NR1H4: variants seen among roughly 807,000 people sequenced by gnomAD.
NR1H4 encodes nuclear receptor subfamily 1 group H member 4, also known as bile acid receptor.
NR1H4 carries 23 observed loss-of-function variants against 58.5 expected under a neutral mutation model. The observed-to-expected ratio is 0.39, with a 90% confidence interval of 0.28 to 0.56. The LOEUF is 0.56. Among genes scored for constraint, NR1H4 ranks in the 20% least tolerant of loss-of-function variants. The probability of loss-of-function intolerance (pLI) is 0.58; values close to 1 mark genes in which losing one functional copy is unlikely to be tolerated. For missense variants in NR1H4, 487 were observed against 576.9 expected (o/e 0.84, Z 1.60); for synonymous variants, 214 against 198.0 (o/e 1.08, Z -0.68).
intron 9 of NR1H4, among the ~76,000 whole-genome samples, chr12:100,561,527 G>C (rs1466347618): frequency 6.6e-6 from 1 of 152,120 alleles, no homozygotes. Flanking sequence ...CTTAATTATC[G>C]ATAGTCATAT....
chr12:100,498,876 G>A (rs1244926626), intron 3 of NR1H4, among the ~76,000 whole-genome samples: 1 of 152,118 alleles, frequency 6.6e-6, no homozygotes, highest in East Asian at 1.9e-4. Context: ...ATTTCTCATT[G>A]CCTTATGCTT....
chr12:100,498,612 C>CAA (rs549604892), intron 3 of NR1H4, among the ~76,000 whole-genome samples: 1 of 136,814 alleles, frequency 7.3e-6, no homozygotes. Flanking sequence ...CCTCAGTCTC[C>CAA]AAAAAAAAAA....
rs554139379 is a variant in NR1H4 at position 100,476,498 on chromosome 12, T to G, written c.-190+2439T>G. Among the ~76,000 whole-genome samples, 255 of 152,284 alleles carry G rather than the reference T, an allele frequency of 1.7e-3. 1 individual carries two copies. The highest frequency in any genetic ancestry group is 5.8e-3 in the African/African-American group (243 of 41,564). On this transcript the variant is annotated intron_variant, in intron 1 of 10. Coordinates refer to ENST00000392986, the MANE Select transcript of NR1H4 (RefSeq NM_001206979.2). ...CTCCATGCTGCTGTGATTAGGGACA[T>G]CTTAGAGAGGAGCTCAGAACTGCTG... is the stretch of plus-strand genomic sequence containing the variant.
intron 4 of NR1H4, among the ~76,000 whole-genome samples, chr12:100,514,321 T>C (rs1182291849): frequency 6.6e-6 from 1 of 152,224 alleles, no homozygotes; most frequent in Non-Finnish European, 1.5e-5. Context: ...AATATTCTAA[T>C]CTGCCTGTTT....
rs113858314 is a variant in NR1H4, at chr12:100,541,808, G to A, written c.1078+990G>A. On this transcript the variant is annotated intron_variant, in intron 9 of 10. Coordinates refer to ENST00000392986, the MANE Select transcript of NR1H4 (RefSeq NM_001206979.2). ...GACAGGGTTTCACCATGTTGGCCAGGCTGGTCTTGGACTCCTGGCCTCGAG... is the reference window on the plus strand; with the variant it reads ...GACAGGGTTTCACCATGTTGGCCAGACTGGTCTTGGACTCCTGGCCTCGAG... Among the ~76,000 whole-genome samples the A allele has an allele frequency of 0.013, 1,927 of 151,682 alleles. 102 individuals carry two copies. In the East Asian group the frequency reaches 0.14, roughly 11 times the overall value.
At chr12:100,558,840 T>C (rs1295136035) in intron 9 of NR1H4, among the ~76,000 whole-genome samples, 1 of 152,246 alleles carries the variant, frequency 6.6e-6, no homozygotes, top group Non-Finnish European at 1.5e-5. Flanking sequence ...CCGTAGCCAC[T>C]GTCAGGACTT....
At chr12:100,542,315 C>G (rs1954956817) in intron 9 of NR1H4, among the ~76,000 whole-genome samples, 1 of 152,092 alleles carries the variant, frequency 6.6e-6, no homozygotes. Flanking sequence ...CCACCACACT[C>G]CAGCCTGGGC....
chr12:100,538,304 C>A (rs1954859199), intron 8 of NR1H4, among the ~76,000 whole-genome samples: 1 of 152,010 alleles, frequency 6.6e-6, no homozygotes, highest in East Asian at 1.9e-4. Context: ...GGTCTGGGGG[C>A]AGGGAAGATC....
chr12:100,512,660 T>C (rs1372277421), intron 4 of NR1H4, among the ~76,000 whole-genome samples: 4 of 149,742 alleles, frequency 2.7e-5, no homozygotes, highest in Admixed American at 1.3e-4. Flanking sequence ...AAAAAGACAA[T>C]GTAAAATCCC....
intron 4 of NR1H4, among the ~76,000 whole-genome samples, chr12:100,527,320 G>T (rs1276442263): frequency 6.6e-6 from 1 of 152,230 alleles, no homozygotes; most frequent in Admixed American, 6.5e-5. Context: ...TTGAGCCCAG[G>T]AGTGAGAGAC....
At chr12:100,486,545 C>A (rs533246994) in intron 1 of NR1H4, among the ~76,000 whole-genome samples, 1 of 152,226 alleles carries the variant, frequency 6.6e-6, no homozygotes, top group South Asian at 2.1e-4. Context: ...CAGAAATGAG[C>A]AGATTTTCTC....
intron 8 of NR1H4, among the ~76,000 whole-genome samples, chr12:100,537,286 A>C (rs1169321160): frequency 6.6e-6 from 1 of 152,244 alleles, no homozygotes; most frequent in African/African-American, 2.4e-5. Flanking sequence ...AAATCATTTA[A>C]TATCTGATTT....
intron 9 of NR1H4, among the ~76,000 whole-genome samples, chr12:100,544,080 G>A (rs1053830037): frequency 9.9e-5 from 15 of 151,842 alleles, no homozygotes; most frequent in African/African-American, 2.2e-4. Flanking sequence ...GTGAAACCCC[G>A]TCTCTACTAA....
intron 9 of NR1H4, among the ~76,000 whole-genome samples, chr12:100,551,855 C>A (rs892059308): frequency 6.6e-6 from 1 of 152,208 alleles, no homozygotes; most frequent in Non-Finnish European, 1.5e-5. Flanking sequence ...AACCTATGTA[C>A]ATCCTGTTGT....
intron 3 of NR1H4, chr12:100,505,529 G>T (rs1953939273): frequency 1.4e-6 from 1 of 693,366 alleles, no homozygotes; most frequent in Non-Finnish European, 2.6e-6. Flanking sequence ...AGAAGGTGTT[G>T]AAACCTGGAG....
intron 4 of NR1H4, among the ~76,000 whole-genome samples, chr12:100,518,128 T>G (rs1006349411): frequency 1.3e-5 from 2 of 152,198 alleles, no homozygotes; most frequent in Non-Finnish European, 2.9e-5. Flanking sequence ...GAATTTTTCT[T>G]TCTGTCTTGT....
chr12:100,511,908 G>T (rs1197979622), intron 4 of NR1H4, among the ~76,000 whole-genome samples: 1 of 149,726 alleles, frequency 6.7e-6, no homozygotes, highest in Non-Finnish European at 1.5e-5. Context: ...GGCAACAAGA[G>T]CGAAAATCCA....
intron 1 of NR1H4, among the ~76,000 whole-genome samples, chr12:100,475,327 C>G (rs1210052760): frequency 1.3e-5 from 2 of 152,068 alleles, no homozygotes; most frequent in African/African-American, 4.8e-5. Context: ...CCATTTGTAC[C>G]GTGGACTTTT....
At chr12:100,560,481 C>T (rs528671099) in intron 9 of NR1H4, among the ~76,000 whole-genome samples, 9 of 152,216 alleles carry the variant, frequency 5.9e-5, no homozygotes, top group African/African-American at 1.9e-4. Flanking sequence ...CAACTCCAGA[C>T]GTGCTGCCTT....
Sources: gnomAD v4.1 joint callset for allele counts (sites outside exome capture counted in the v4.1 genomes callset) on GRCh38, gnomAD v4.1.1 for gene constraint, MANE v1.5 for transcripts, NCBI Gene and HGNC (gene_info 2026-07-23, HGNC 2026-07-21) for gene names.